CADPS: variants seen among roughly 807,000 people sequenced by gnomAD.
CADPS encodes the protein calcium-dependent secretion activator 1.
In CADPS, 57 loss-of-function variants were observed where a neutral mutation model predicts 167.3. The observed-to-expected ratio is 0.34, with a 90% CI of 0.28 to 0.42. The LOEUF (loss-of-function observed/expected upper bound fraction) is 0.42. Among genes scored for constraint, CADPS ranks in the 20% least tolerant of loss-of-function variants. CADPS has a pLI of 1.00. For synonymous variants in CADPS, 676 were observed against 635.3 expected (o/e 1.06, Z -0.96); for missense variants, 1,414 against 1,738.1 (o/e 0.81, Z 3.32).
At position 62,769,202 on chromosome 3, in the gene CADPS, G is replaced by T. The variant is rs913300934; in HGVS notation, c.442-3218C>A. 2.0e-5 allele frequency among the ~76,000 whole-genome samples: 3 copies of T among 151,706 alleles called. No homozygotes were observed. In the East Asian group the frequency reaches 5.8e-4, roughly 29 times the overall value. On this transcript the variant is annotated intron_variant, in intron 1 of 29. Coordinates refer to ENST00000383710, the MANE Select transcript of CADPS (RefSeq NM_003716.4). ...CAGGATGAATGCTCAATACATCTTA[G>T]CTACTGTGATGATTAATTCTCATCT...
chr3:62,519,170 T>G (rs550522563), intron 13 of CADPS, among the ~76,000 whole-genome samples: 1 of 152,220 alleles, frequency 6.6e-6, no homozygotes, highest in South Asian at 2.1e-4. Context: ...CCAGATCTCA[T>G]AGTGACTTGT....
At chr3:62,807,751 T>C (rs1199475535) in intron 1 of CADPS, among the ~76,000 whole-genome samples, 1 of 152,200 alleles carries the variant, frequency 6.6e-6, no homozygotes, top group African/African-American at 2.4e-5. Context: ...ATTTTTTTCA[T>C]TGGCCATTAT....
chr3:62,656,986 C>T (rs547897712), intron 4 of CADPS, among the ~76,000 whole-genome samples: 1 of 152,206 alleles, frequency 6.6e-6, no homozygotes, highest in South Asian at 2.1e-4. Flanking sequence ...CCTGCACACA[C>T]ATTTTGTTTA....
chr3:62,817,333 A>C (rs1183503887), intron 1 of CADPS, among the ~76,000 whole-genome samples: 2 of 152,176 alleles, frequency 1.3e-5, no homozygotes, highest in Non-Finnish European at 2.9e-5. Flanking sequence ...ATTTCAGCAC[A>C]CTTTCCTGAG....
At chr3:62,674,730 AT>A (rs2076080857) in intron 3 of CADPS, among the ~76,000 whole-genome samples, 1 of 152,178 alleles carries the variant, frequency 6.6e-6, no homozygotes, top group South Asian at 2.1e-4. Context: ...AATATACTGC[AT>A]TGTGTGCAAA....
At chr3:62,687,734 A>AAAT in intron 3 of CADPS, among the ~76,000 whole-genome samples, 2 of 128,316 alleles carry the variant, frequency 1.6e-5, no homozygotes, top group East Asian at 2.4e-4. Flanking sequence ...TTCCCTTCGC[A>AAAT]TTTTTTTTTT....
At chr3:62,432,620 A>G (rs564328006) in intron 28 of CADPS, among the ~76,000 whole-genome samples, 11 of 152,304 alleles carry the variant, frequency 7.2e-5, no homozygotes, top group African/African-American at 2.6e-4. Context: ...GATAGTGATG[A>G]TGATGATGGT....
intron 6 of CADPS, among the ~76,000 whole-genome samples, chr3:62,627,055 G>A (rs374460592): frequency 2.0e-5 from 3 of 151,970 alleles, no homozygotes; most frequent in African/African-American, 7.2e-5. Flanking sequence ...ATTAATATGT[G>A]TATATGAGGA....
chr3:62,651,033 G>A lies in CADPS; in HGVS notation c.1017C>T (p.Tyr339=). 6.2e-7 allele frequency: 1 copy of A among 1,614,006 alleles called. No homozygotes were observed. Residue 339 remains tyrosine (Y), a synonymous_variant, in exon 5 of 30, where the codon TAC becomes TAT. Coordinates refer to ENST00000383710, the MANE Select transcript of CADPS (RefSeq NM_003716.4). The part of the protein sequence containing the change: ...KFVSKEMENM[Y]IEELKSSVNL... The stretch of plus-strand genomic sequence containing the variant: ...TGACAGATGACTTCAGCTCCTCAAT[G>A]TACATGTTTTCCATTTCTTTGGATA...
In CADPS at chr3:62,403,119, G is replaced by A; in HGVS notation, c.3844C>T (p.His1282Tyr). 1 of 1,612,378 alleles carries A rather than the reference G, an allele frequency of 6.2e-7. No homozygotes were observed. Among genetic ancestry groups the A allele is most frequent in the Non-Finnish European group, 8.5e-7 (1 of 1,178,570 alleles). Residue 1282 changes from histidine (H) to tyrosine (Y), a missense_variant, in exon 29 of 30, where the codon CAT (histidine) becomes TAT (tyrosine). Around this residue, in one of 6 missense-constraint regions of CADPS, gnomAD observed 185 missense variants for 251.5 expected, o/e 0.74. Coordinates refer to ENST00000383710, the MANE Select transcript of CADPS (RefSeq NM_003716.4). ...ATTAGTGTTTTCAACTGATAAATAT[G>A]AAGCTGTAAGTCCATCCGGTCCGTC... ...WLTDRMDLQL[H>Y]IYQLKTLIRM...
At chr3:62,780,773 A>G (rs907695645) in intron 1 of CADPS, among the ~76,000 whole-genome samples, 4 of 152,144 alleles carry the variant, frequency 2.6e-5, no homozygotes, top group Admixed American at 1.3e-4. Context: ...AAAATCTCTC[A>G]TCATTTATTG....
At chr3:62,639,406 G>C (rs1373713817) in intron 6 of CADPS, among the ~76,000 whole-genome samples, 2 of 152,124 alleles carry the variant, frequency 1.3e-5, no homozygotes, top group African/African-American at 4.8e-5. Flanking sequence ...CTGATTCTCA[G>C]GAAGCCTCAT....
intron 20 of CADPS, 78 bp from the exon 21 acceptor site, chr3:62,491,558 AACAC>A (rs35911391): frequency 1.2e-3 from 648 of 526,162 alleles, no homozygotes; most frequent in Non-Finnish European, 1.6e-3. Flanking sequence ...CACACACACA[AACAC>A]ACACACACAC....
At chr3:62,866,388 A>C (rs979031302) in intron 1 of CADPS, among the ~76,000 whole-genome samples, 3 of 152,110 alleles carry the variant, frequency 2.0e-5, no homozygotes, top group Non-Finnish European at 4.4e-5. Context: ...GTGAAGTCTC[A>C]ACAGTAGAAC....
intron 1 of CADPS, among the ~76,000 whole-genome samples, chr3:62,853,623 T>TAAAAAAA (rs71126559): frequency 2.1e-4 from 25 of 118,254 alleles, no homozygotes; most frequent in Admixed American, 6.8e-4. Flanking sequence ...AAAACTCCAC[T>TAAAAAAA]AAAAAAAAAA....
At chr3:62,830,570 G>A (rs2074900756) in intron 1 of CADPS, among the ~76,000 whole-genome samples, 2 of 152,082 alleles carry the variant, frequency 1.3e-5, no homozygotes. Context: ...ACAGGTGCTA[G>A]AAGCTAAAGT....
At chr3:62,496,399 G>T (rs542983111) in intron 18 of CADPS, among the ~76,000 whole-genome samples, 16 of 152,314 alleles carry the variant, frequency 1.1e-4, no homozygotes, top group Admixed American at 9.1e-4. Flanking sequence ...AGAACAGGTG[G>T]TAGTGCCTTT....
chr3:62,709,585 G>T (rs2082979097), intron 3 of CADPS, among the ~76,000 whole-genome samples: 1 of 151,830 alleles, frequency 6.6e-6, no homozygotes, highest in Non-Finnish European at 1.5e-5. Context: ...TATGCGTTAG[G>T]CATATGCCCG....
intron 3 of CADPS, among the ~76,000 whole-genome samples, chr3:62,663,225 C>T (rs1043298358): frequency 6.6e-6 from 1 of 152,096 alleles, no homozygotes; most frequent in Non-Finnish European, 1.5e-5. Flanking sequence ...CAGGTGAAGA[C>T]AGCACTAAAC....
Sources: allele counts gnomAD v4.1 joint callset (sites outside exome capture counted in the v4.1 genomes callset), GRCh38; gene constraint gnomAD v4.1.1; regional missense constraint gnomAD v4.1.1; transcripts MANE v1.5; gene names NCBI Gene and HGNC (gene_info 2026-07-23, HGNC 2026-07-21).